The following AMPH variants were observed in gnomAD, a reference collection of about 807,000 sequenced individuals.
AMPH encodes the protein amphiphysin.
In AMPH, 49 loss-of-function variants were observed where a neutral mutation model predicts 99.1. The ratio of observed to expected loss-of-function variants is 0.49; its 90% CI spans 0.39 to 0.63. The LOEUF (loss-of-function observed/expected upper bound fraction) is 0.63, where lower values mean the gene tolerates loss of function less well. Ranked by LOEUF, AMPH falls within the 20% of genes least tolerant of loss-of-function variation. The pLI is 0.00. For synonymous variants in AMPH, 314 were observed against 317.3 expected, an observed-to-expected ratio of 0.99 and a Z score of 0.11; for missense variants, 759 against 863.4, an observed-to-expected ratio of 0.88 and a Z score of 1.52.
Position 38,418,387 on chromosome 7 carries a change from A to G in AMPH, c.1273-437T>C, listed in dbSNP as rs193116896. On this transcript the variant is annotated intron_variant, in intron 16 of 20. Coordinates refer to ENST00000356264, the MANE Select transcript of AMPH (RefSeq NM_001635.4). ...AGAAAGGATTCTAGGAGGACCCACAATTACTTGCCAGTGGGAAGGAGTAAG... is the reference window on the plus strand; with the variant it reads ...AGAAAGGATTCTAGGAGGACCCACAGTTACTTGCCAGTGGGAAGGAGTAAG... Among the ~76,000 whole-genome samples, 235 of 152,264 alleles carry G rather than the reference A, an allele frequency of 1.5e-3. 2 individuals are homozygous for G. The highest frequency in any genetic ancestry group is 5.4e-3 in the African/African-American group (226 of 41,568).
rs1311931776 is a variant in AMPH at position 38,384,452 on chromosome 7, C to T, written c.*366G>A. ...GATAATCTTGTACTACAGGATAATTCATCACATCTTCTGCAGGGCAGCCAC... is the reference window on the plus strand; with the variant it reads ...GATAATCTTGTACTACAGGATAATTTATCACATCTTCTGCAGGGCAGCCAC... On this transcript the variant is annotated 3_prime_UTR_variant, in exon 21 of 21. Coordinates refer to ENST00000356264, the MANE Select transcript of AMPH (RefSeq NM_001635.4). The T allele has an allele frequency of 5.4e-6, 1 of 186,062 alleles. No individual in the cohort carries two copies. Among genetic ancestry groups the T allele is most frequent in the Non-Finnish European group, 1.2e-5 (1 of 86,366 alleles). The allele number at this position is 186,062 out of a possible 1,614,324, so 11.5% of individuals were successfully genotyped here.
intron 11 of AMPH, among the ~76,000 whole-genome samples, chr7:38,454,416 C>G (rs1476346474): frequency 6.6e-6 from 1 of 152,004 alleles, no homozygotes; most frequent in Non-Finnish European, 1.5e-5. Context: ...ACCCTGAGAA[C>G]ACTGAGAAGA....
chr7:38,462,919 G>A (rs1787505257), intron 10 of AMPH, 56 bp downstream of exon 10: 1 of 1,493,248 alleles, frequency 6.7e-7, no homozygotes. Context: ...TCCTAGATGG[G>A]GCCACCTTCA....
intron 1 of AMPH, among the ~76,000 whole-genome samples, chr7:38,546,108 T>C (rs566625007): frequency 1.3e-5 from 2 of 152,308 alleles, no homozygotes; most frequent in Non-Finnish European, 2.9e-5. Context: ...GAACTCTGAG[T>C]GCCTTCATAA....
chr7:38,502,395 C>T (rs1789170368), intron 3 of AMPH, among the ~76,000 whole-genome samples: 1 of 152,126 alleles, frequency 6.6e-6, no homozygotes, highest in Non-Finnish European at 1.5e-5. Flanking sequence ...ATGGTAGATG[C>T]ACCTGAATAT....
At position 38,476,953 on chromosome 7, in the gene AMPH, C is replaced by T. The variant is rs375161752; in HGVS notation, c.413G>A (p.Arg138His). Residue 138 changes from arginine (R) to histidine (H), a missense_variant, in exon 6 of 21, where the codon CGC becomes CAC. Arg to His is a conservative substitution (Grantham distance 29). This residue lies in a region of AMPH where 205 missense variants were observed against 287.9 expected (regional missense o/e 0.71). Transcript: ENST00000356264. ...GTCATAGTCCACTAGCTTCCTGCTG[C>T]GCTTGGCGATGCGATTCTGTCAACA... is the stretch of plus-strand genomic sequence containing the variant. Reference protein sequence around the residue: ...FPDIKNRIAKRSRKLVDYDSA... With the variant: ...FPDIKNRIAKHSRKLVDYDSA... 10 of 1,613,466 alleles carry T rather than the reference C, an allele frequency of 6.2e-6. No homozygotes were observed. Among genetic ancestry groups the T allele is most frequent in the Non-Finnish European group, 6.8e-6 (8 of 1,179,760 alleles).
At chr7:38,549,116 G>A (rs922565019) in intron 1 of AMPH, among the ~76,000 whole-genome samples, 3 of 152,132 alleles carry the variant, frequency 2.0e-5, no homozygotes, top group African/African-American at 7.2e-5. Flanking sequence ...TTGTTAAAAG[G>A]GAAGCCTTGC....
chr7:38,572,702 T>C (rs1390730680), intron 1 of AMPH, among the ~76,000 whole-genome samples: 3 of 152,126 alleles, frequency 2.0e-5, no homozygotes, highest in Admixed American at 6.5e-5. Context: ...CAATGTGAAG[T>C]GGGAGCAGGA....
At chr7:38,429,290 G>A in intron 14 of AMPH, 2 of 1,286,662 alleles carry the variant, frequency 1.6e-6, no homozygotes, top group Non-Finnish European at 2.0e-6. Context: ...CACCTGGAAA[G>A]GCTGGCCCCG....
intron 5 of AMPH, among the ~76,000 whole-genome samples, chr7:38,486,960 A>C (rs1025119775): frequency 3.3e-5 from 5 of 152,194 alleles, no homozygotes; most frequent in African/African-American, 7.2e-5. Flanking sequence ...AAAAGCTTAC[A>C]GTTAACATCA....
chr7:38,431,919 G>C (rs1170748794), intron 13 of AMPH, among the ~76,000 whole-genome samples: 1 of 152,058 alleles, frequency 6.6e-6, no homozygotes, highest in Non-Finnish European at 1.5e-5. Flanking sequence ...AACCACCACA[G>C]AAAGAAACAA....
At position 38,422,492 on chromosome 7, in the gene AMPH, T is replaced by G; in HGVS notation, c.1216-15A>C. 6.2e-7 allele frequency: 1 copy of G among 1,606,390 alleles called. No individual in the cohort carries two copies. Among genetic ancestry groups the G allele is most frequent in the Non-Finnish European group, 8.5e-7 (1 of 1,173,386 alleles). ...GTATCCTGGGGCTGAAAATCAAGGA[T>G]AAAAATAGAAGATGTTTTTTAAAGA... On this transcript the variant is annotated splice_polypyrimidine_tract_variant and intron_variant, in intron 15 of 20. Coordinates refer to ENST00000356264, the MANE Select transcript of AMPH (RefSeq NM_001635.4).
intron 1 of AMPH, among the ~76,000 whole-genome samples, chr7:38,549,204 C>T (rs1261156282): frequency 6.6e-6 from 1 of 152,182 alleles, no homozygotes; most frequent in Non-Finnish European, 1.5e-5. Flanking sequence ...AAGTTGTTTT[C>T]CCCTTTTAAT....
chr7:38,408,736 G>C (rs1785128086), intron 17 of AMPH, among the ~76,000 whole-genome samples: 1 of 130,768 alleles, frequency 7.6e-6, no homozygotes, highest in Non-Finnish European at 1.6e-5. Flanking sequence ...GGGTGACAGA[G>C]CGAGACTCCA....
intron 1 of AMPH, among the ~76,000 whole-genome samples, chr7:38,579,385 A>G (rs1217092891): frequency 2.0e-5 from 3 of 152,172 alleles, no homozygotes; most frequent in Non-Finnish European, 2.9e-5. Flanking sequence ...TTCCAGTGCC[A>G]TTCTTCCCAG....
chr7:38,500,841 G>A (rs1789109569), intron 3 of AMPH, among the ~76,000 whole-genome samples: 1 of 152,152 alleles, frequency 6.6e-6, no homozygotes, highest in African/African-American at 2.4e-5. Context: ...TAAATTCTCT[G>A]AGACTTACTT....
intron 17 of AMPH, among the ~76,000 whole-genome samples, chr7:38,402,767 G>T (rs1245046098): frequency 6.6e-6 from 1 of 152,148 alleles, no homozygotes; most frequent in East Asian, 1.9e-4. Flanking sequence ...CCTGGCTCAG[G>T]TATTATGCGT....
intron 11 of AMPH, among the ~76,000 whole-genome samples, chr7:38,441,806 A>ATGATATATC (rs1267958196): frequency 2.3e-5 from 2 of 87,362 alleles, no homozygotes; most frequent in African/African-American, 4.3e-5. Context: ...TATCATATAT[A>ATGATATATC]TATCATATAT....
chr7:38,468,495 G>A (rs927207603), intron 7 of AMPH, among the ~76,000 whole-genome samples: 2 of 152,088 alleles, frequency 1.3e-5, no homozygotes, highest in African/African-American at 2.4e-5. Context: ...TTATTATCCT[G>A]AGAAAATGGT....
Sources: gnomAD v4.1 joint callset for allele counts (sites outside exome capture counted in the v4.1 genomes callset) on GRCh38, gnomAD v4.1.1 for gene constraint, gnomAD v4.1.1 regional missense constraint, MANE v1.5 for transcripts, NCBI Gene and HGNC (gene_info 2026-07-23, HGNC 2026-07-21) for gene names.